RBFOX1: variants seen among roughly 807,000 people sequenced by gnomAD.
RBFOX1 encodes the protein RNA binding fox-1 homolog 1.
In RBFOX1, 8 loss-of-function variants were observed where a neutral mutation model predicts 57.7. The observed-to-expected ratio is 0.14, with a 90% CI of 0.08 to 0.25. The LOEUF is 0.25. Ranked by LOEUF, RBFOX1 falls within the 10% of genes least tolerant of loss-of-function variation. RBFOX1 has a pLI of 1.00. For missense variants in RBFOX1, 611 were observed against 548.5 expected, an observed-to-expected ratio of 1.11 and a Z score of -1.14; for synonymous variants, 326 against 222.4, an observed-to-expected ratio of 1.47 and a Z score of -4.15.
intron 4 of RBFOX1, among the ~76,000 whole-genome samples, chr16:7,385,758 T>G (rs1170753058): frequency 6.6e-6 from 1 of 151,822 alleles, no homozygotes; most frequent in African/African-American, 2.4e-5. Context: ...CTTTTAAGGT[T>G]TTTGGTTTTT....
chr16:7,161,386 G>C (rs1212342110), intron 4 of RBFOX1, among the ~76,000 whole-genome samples: 1 of 152,128 alleles, frequency 6.6e-6, no homozygotes, highest in African/African-American at 2.4e-5. Context: ...TCATATATTT[G>C]CTAAATACAC....
intron 5 of RBFOX1, among the ~76,000 whole-genome samples, chr16:7,561,607 C>T (rs568271543): frequency 6.6e-6 from 1 of 152,180 alleles, no homozygotes; most frequent in Non-Finnish European, 1.5e-5. Flanking sequence ...AATGATATCT[C>T]CATGTCTCAG....
intron 1 of RBFOX1, among the ~76,000 whole-genome samples, chr16:5,288,008 G>A (rs1373422511): frequency 2.0e-5 from 3 of 152,170 alleles, no homozygotes; most frequent in Admixed American, 6.5e-5. Context: ...AGGCAATGGG[G>A]GCCTGACTAG....
At chr16:7,628,244 G>T (rs2060383743) in intron 10 of RBFOX1, among the ~76,000 whole-genome samples, 3 of 152,166 alleles carry the variant, frequency 2.0e-5, no homozygotes, top group Admixed American at 2.0e-4. Flanking sequence ...GGCGTGCACA[G>T]GAGAGAAGGT....
At chr16:5,908,113 CAT>C (rs1156902761) in intron 4 of RBFOX1, among the ~76,000 whole-genome samples, 25 of 136,052 alleles carry the variant, frequency 1.8e-4, no homozygotes, top group African/African-American at 7.6e-4. Flanking sequence ...TATATATACA[CAT>C]ATATACACAT....
intron 5 of RBFOX1, among the ~76,000 whole-genome samples, chr16:7,539,941 A>C (rs1414114425): frequency 6.6e-6 from 1 of 152,222 alleles, no homozygotes; most frequent in Admixed American, 6.5e-5. Context: ...CCTGGGTTCA[A>C]ATCCCAACGT....
chr16:5,282,239 C>T (rs755204213), intron 1 of RBFOX1, among the ~76,000 whole-genome samples: 1 of 152,218 alleles, frequency 6.6e-6, no homozygotes, highest in Non-Finnish European at 1.5e-5. Context: ...ATTTTGTAGC[C>T]TCCCCAGCAA....
chr16:6,400,012 T>C (rs1301869621), intron 2 of RBFOX1, among the ~76,000 whole-genome samples: 1 of 152,042 alleles, frequency 6.6e-6, no homozygotes, highest in Admixed American at 6.5e-5. Flanking sequence ...TCCCACAACA[T>C]GTGAGGATTA....
chr16:6,072,072 T>C (rs1005734952), intron 1 of RBFOX1, among the ~76,000 whole-genome samples: 1 of 152,202 alleles, frequency 6.6e-6, no homozygotes, highest in Non-Finnish European at 1.5e-5. Context: ...TCCACAGGGC[T>C]GGGGAGACCT....
At chr16:7,579,960 G>T (rs763681902) in intron 6 of RBFOX1, 40 bp downstream of exon 6, 3 of 1,602,546 alleles carry the variant, frequency 1.9e-6, no homozygotes, top group Non-Finnish European at 2.6e-6. Flanking sequence ...CCGCTCTGGG[G>T]GTTCCAGAGA....
chr16:6,876,111 A>C (rs565443616), intron 3 of RBFOX1, among the ~76,000 whole-genome samples: 6 of 152,102 alleles, frequency 3.9e-5, no homozygotes, highest in Non-Finnish European at 8.8e-5. Flanking sequence ...GGAACCCCGG[A>C]GATTGAGGCT....
At chr16:5,495,073 T>A (rs763109980) in intron 2 of RBFOX1, among the ~76,000 whole-genome samples, 8 of 152,158 alleles carry the variant, frequency 5.3e-5, no homozygotes, top group Non-Finnish European at 8.8e-5. Flanking sequence ...GAAAGAGGTT[T>A]AATTGACTTA....
intron 3 of RBFOX1, among the ~76,000 whole-genome samples, chr16:5,819,924 C>T (rs550615601): frequency 6.6e-6 from 1 of 152,312 alleles, no homozygotes; most frequent in African/African-American, 2.4e-5. Flanking sequence ...GAGGGTTGGC[C>T]TTTCTGCTGG....
chr16:5,512,967 G>A (rs2043658351), intron 2 of RBFOX1, among the ~76,000 whole-genome samples: 1 of 152,202 alleles, frequency 6.6e-6, no homozygotes, highest in African/African-American at 2.4e-5. Flanking sequence ...CCAGGCAGGA[G>A]TGCAATGGCG....
chr16:6,861,561 G>C (rs1342350619), intron 3 of RBFOX1, among the ~76,000 whole-genome samples: 1 of 142,502 alleles, frequency 7.0e-6, no homozygotes, highest in Admixed American at 7.9e-5. Context: ...TTCAGTGTTA[G>C]CATCTTAGGC....
At chr16:7,644,412 G>T (rs1472627516) in intron 11 of RBFOX1, among the ~76,000 whole-genome samples, 1 of 152,136 alleles carries the variant, frequency 6.6e-6, no homozygotes, top group Non-Finnish European at 1.5e-5. Flanking sequence ...CAATCACATC[G>T]TTCCTTGAAT....
intron 3 of RBFOX1, among the ~76,000 whole-genome samples, chr16:6,928,365 T>A (rs1298070865): frequency 6.6e-6 from 1 of 152,108 alleles, no homozygotes; most frequent in East Asian, 1.9e-4. Context: ...AAGAGAATCC[T>A]GATTTCTGGA....
chr16:6,369,809 A>G (rs1011554495), intron 2 of RBFOX1, among the ~76,000 whole-genome samples: 1 of 152,202 alleles, frequency 6.6e-6, no homozygotes, highest in Non-Finnish European at 1.5e-5. Flanking sequence ...GTGTGTTCCT[A>G]AAAACAAGGA....
intron 5 of RBFOX1, among the ~76,000 whole-genome samples, chr16:7,540,783 C>T (rs544983044): frequency 6.6e-6 from 1 of 152,316 alleles, no homozygotes; most frequent in South Asian, 2.1e-4. Flanking sequence ...TCCCAGCACT[C>T]ATGCTAGGCT....
Sources: allele counts gnomAD v4.1 joint callset (sites outside exome capture counted in the v4.1 genomes callset), GRCh38; gene constraint gnomAD v4.1.1; transcripts MANE v1.5; gene names NCBI Gene and HGNC (gene_info 2026-07-23, HGNC 2026-07-21).